The following PLAAT3 variants were observed in gnomAD, a reference collection of about 807,000 sequenced individuals.
PLAAT3 encodes Ca-independent phospholipase A1/2.
Under a neutral mutation model 16.7 loss-of-function variants are expected in PLAAT3, and 21 were observed. That is an observed-to-expected ratio of 1.26 (90% CI 0.89 to 1.81). PLAAT3 has a LOEUF of 1.81. PLAAT3 is among the 40% of genes most tolerant of loss of function. PLAAT3 has a pLI of 0.00. For missense variants in PLAAT3, 219 were observed against 213.7 expected (o/e 1.02, Z -0.16); for synonymous variants, 76 against 81.7 (o/e 0.93, Z 0.38).
intron 4 of PLAAT3, among the ~76,000 whole-genome samples, chr11:63,584,910 A>C (rs944844812): frequency 5.9e-5 from 9 of 152,200 alleles, no homozygotes; most frequent in African/African-American, 2.2e-4. Flanking sequence ...TATCCTCATG[A>C]GTTAAATGAA....
intron 2 of PLAAT3, among the ~76,000 whole-genome samples, chr11:63,611,435 A>G (rs766601700): frequency 2.0e-5 from 3 of 152,218 alleles, no homozygotes; most frequent in Non-Finnish European, 4.4e-5. Context: ...TTGAGATTTA[A>G]TCATATACAT....
At position 63,613,410 on chromosome 11, in the gene PLAAT3, C is replaced by CA. The variant is rs1212409279; in HGVS notation, c.15+589dup. Among the ~76,000 whole-genome samples, 131 of 63,214 alleles carry CA rather than the reference C, an allele frequency of 2.1e-3. 2 individuals carry two copies. In the East Asian group the frequency reaches 0.055, roughly 27 times the overall value. The allele number at this position is 63,214 out of a possible 152,430, so 41.5% of individuals were successfully genotyped here. A position where few individuals can be genotyped will look rare whatever the true frequency, so the allele number is the denominator to read the frequency against. On this transcript the variant is annotated intron_variant, in intron 2 of 4. Transcript: ENST00000415826. ...TGGGTGACAGAGCGAGACTCCGTCTCAAAAAATAAAAATAAAAATAAAAAT... is the reference window on the plus strand; with the variant it reads ...TGGGTGACAGAGCGAGACTCCGTCTCAAAAAAATAAAAATAAAAATAAAAAT...
intron 4 of PLAAT3, among the ~76,000 whole-genome samples, chr11:63,577,161 A>G (rs1054196261): frequency 2.7e-5 from 4 of 149,562 alleles, no homozygotes; most frequent in Non-Finnish European, 4.4e-5. Flanking sequence ...ATGGTTGGCA[A>G]GTGCACTTTT....
At chr11:63,578,566 C>T (rs1937691707) in intron 4 of PLAAT3, among the ~76,000 whole-genome samples, 1 of 151,948 alleles carries the variant, frequency 6.6e-6, no homozygotes, top group African/African-American at 2.4e-5. Context: ...GAAATAATGC[C>T]ACATATCTAC....
intron 2 of PLAAT3, among the ~76,000 whole-genome samples, chr11:63,601,312 A>C (rs1938423131): frequency 6.6e-6 from 1 of 151,188 alleles, no homozygotes. Context: ...CCTGGGTGAC[A>C]GAGTGAGACT....
chr11:63,583,660 A>G (rs954720822), intron 4 of PLAAT3, among the ~76,000 whole-genome samples: 1 of 152,218 alleles, frequency 6.6e-6, no homozygotes, highest in African/African-American at 2.4e-5. Context: ...GAAAGGTCCA[A>G]TCCAGCTGCT....
chr11:63,587,027 C>T (rs978993835), intron 4 of PLAAT3, among the ~76,000 whole-genome samples: 2 of 152,114 alleles, frequency 1.3e-5, no homozygotes, highest in Non-Finnish European at 1.5e-5. Flanking sequence ...GAGGTTACAG[C>T]GAGCCAACAT....
At chr11:63,578,344 G>A (rs958705498) in intron 4 of PLAAT3, among the ~76,000 whole-genome samples, 2 of 151,734 alleles carry the variant, frequency 1.3e-5, no homozygotes, top group African/African-American at 2.4e-5. Flanking sequence ...GATAAAAGTA[G>A]ACCTACACAA....
intron 2 of PLAAT3, chr11:63,598,817 G>A (rs1938355696): frequency 4.3e-6 from 2 of 463,286 alleles, no homozygotes; most frequent in Non-Finnish European, 8.6e-6. Flanking sequence ...AATGTCCCCC[G>A]GCTGCTCAGC....
intron 3 of PLAAT3, 60 bp downstream of exon 3, chr11:63,598,001 C>T: frequency 9.0e-7 from 1 of 1,116,824 alleles, no homozygotes; most frequent in Non-Finnish European, 1.4e-6. Context: ...CCACAGTTCC[C>T]CATCCCCTCT....
chr11:63,583,323 T>A (rs1459627640), intron 4 of PLAAT3, among the ~76,000 whole-genome samples: 1 of 152,172 alleles, frequency 6.6e-6, no homozygotes, highest in Non-Finnish European at 1.5e-5. Context: ...GTATCCAGCA[T>A]TTTCCTTGCT....
rs955972742 is a variant in PLAAT3, at chr11:63,598,075, T to A, written c.104A>T (p.His35Leu). Residue 35 changes from histidine to leucine, a missense_variant, in exon 3 of 5, where the codon CAT becomes CTT. Transcript: ENST00000415826. ...TGTGTTCTTACTTGGAGGGGCCAGA[T>A]GAACCACATATCCATCGCCAACATA... ...AIYVGDGYVV[H>L]LAPPSEVAGA... 1 of 1,612,210 alleles carries A rather than the reference T, an allele frequency of 6.2e-7. No homozygotes were observed. Among genetic ancestry groups the A allele is most frequent in the Non-Finnish European group, 8.5e-7 (1 of 1,178,220 alleles).
Position 63,594,605 on chromosome 11 carries a change from T to A in PLAAT3, c.118+3456A>T, listed in dbSNP as rs115564250. Among the ~76,000 whole-genome samples, 809 of 150,736 alleles carry A rather than the reference T, an allele frequency of 5.4e-3. 5 individuals carry two copies. The highest frequency in any genetic ancestry group is 0.018 in the African/African-American group (747 of 40,932). On this transcript the variant is annotated intron_variant, in intron 3 of 4. Transcript: ENST00000415826. ...GAGAGTCTGAGAGCAAAACTCCATC[T>A]CAAAAAAAAGAAAAAAAGAAAAAGA...
chr11:63,608,083 G>A (rs768335705), intron 2 of PLAAT3, among the ~76,000 whole-genome samples: 1 of 152,224 alleles, frequency 6.6e-6, no homozygotes, highest in Non-Finnish European at 1.5e-5. Flanking sequence ...TCGGGAGGCT[G>A]AGGCAGGAGA....
At chr11:63,607,376 G>A (rs1261647572) in intron 2 of PLAAT3, among the ~76,000 whole-genome samples, 1 of 152,122 alleles carries the variant, frequency 6.6e-6, no homozygotes, top group Non-Finnish European at 1.5e-5. Flanking sequence ...ATGTGTTTGA[G>A]AGAATGGGGA....
chr11:63,586,001 G>C (rs985330604), intron 4 of PLAAT3, among the ~76,000 whole-genome samples: 1 of 152,096 alleles, frequency 6.6e-6, no homozygotes, highest in Non-Finnish European at 1.5e-5. Flanking sequence ...AGGGTTGCTA[G>C]AGACCAAGAG....
At chr11:63,594,553 A>C (rs768212050) in intron 3 of PLAAT3, among the ~76,000 whole-genome samples, 5 of 152,068 alleles carry the variant, frequency 3.3e-5, no homozygotes, top group Non-Finnish European at 7.4e-5. Flanking sequence ...TACCCTTGAG[A>C]ACTGCTCTGT....
chr11:63,615,076 G>GTGTATATATGTGCATATA (rs1283792028), upstream of PLAAT3, among the ~76,000 whole-genome samples: 2 of 31,678 alleles, frequency 6.3e-5, 1 homozygote, highest in Admixed American at 1.1e-3. Context: ...GTGTATATAT[G>GTGTATATATGTGCATATA]TGTGTATATA....
chr11:63,578,728 G>A (rs1011718643), intron 4 of PLAAT3, among the ~76,000 whole-genome samples: 13 of 151,350 alleles, frequency 8.6e-5, no homozygotes, highest in Non-Finnish European at 1.8e-4. Flanking sequence ...AATTCAAGAT[G>A]GATTAAAGAC....
Sources: gnomAD v4.1 joint callset for allele counts (sites outside exome capture counted in the v4.1 genomes callset) on GRCh38, gnomAD v4.1.1 for gene constraint, MANE v1.5 for transcripts, NCBI Gene and HGNC (gene_info 2026-07-23, HGNC 2026-07-21) for gene names.